Variants in CACNA2D3 observed in about 807,000 individuals in gnomAD.
The protein encoded by CACNA2D3 is calcium voltage-gated channel auxiliary subunit alpha2delta 3.
Under a neutral mutation model 160.6 loss-of-function variants are expected in CACNA2D3, and 60 were observed. The observed-to-expected ratio is 0.37, with a 90% CI of 0.30 to 0.46. The LOEUF (loss-of-function observed/expected upper bound fraction) is 0.46. Among genes scored for constraint, CACNA2D3 ranks in the 20% least tolerant of loss-of-function variants. The probability of loss-of-function intolerance (pLI) is 1.00; values close to 1 mark genes in which losing one functional copy is unlikely to be tolerated. For missense variants in CACNA2D3, 1,205 were observed against 1,365.0 expected (o/e 0.88, Z 1.85); for synonymous variants, 558 against 492.9 (o/e 1.13, Z -1.75).
chr3:54,818,862 G>A (rs908830797), intron 14 of CACNA2D3, among the ~76,000 whole-genome samples: 1 of 152,204 alleles, frequency 6.6e-6, no homozygotes, highest in African/African-American at 2.4e-5. Flanking sequence ...ATGCGACATG[G>A]TTTCAGAACA....
intron 11 of CACNA2D3, among the ~76,000 whole-genome samples, chr3:54,649,728 C>A (rs1009368215): frequency 6.6e-6 from 1 of 152,168 alleles, no homozygotes; most frequent in Non-Finnish European, 1.5e-5. Flanking sequence ...CTCATCTAAT[C>A]CTAATTACTT....
At chr3:54,186,107 A>T (rs568296632) in intron 2 of CACNA2D3, among the ~76,000 whole-genome samples, 1 of 152,232 alleles carries the variant, frequency 6.6e-6, no homozygotes, top group East Asian at 1.9e-4. Context: ...CAGAGACCTT[A>T]TTACTAGTCT....
At chr3:54,865,520 C>T (rs1370616482) in intron 17 of CACNA2D3, among the ~76,000 whole-genome samples, 2 of 152,224 alleles carry the variant, frequency 1.3e-5, no homozygotes, top group African/African-American at 4.8e-5. Flanking sequence ...AACCAGAGGC[C>T]TTGATGTGCA....
At chr3:54,252,270 A>AT (rs969068580) in intron 2 of CACNA2D3, among the ~76,000 whole-genome samples, 35 of 152,050 alleles carry the variant, frequency 2.3e-4, no homozygotes, top group African/African-American at 8.2e-4. Context: ...TTTGTAATGG[A>AT]TTTTATACCA....
intron 3 of CACNA2D3, among the ~76,000 whole-genome samples, chr3:54,348,263 C>T (rs1490050211): frequency 6.6e-6 from 1 of 152,182 alleles, no homozygotes; most frequent in Non-Finnish European, 1.5e-5. Flanking sequence ...GCCCTTGTTG[C>T]TCTCAGCCTG....
chr3:54,900,276 C>T (rs1379067912), intron 27 of CACNA2D3, among the ~76,000 whole-genome samples: 2 of 152,154 alleles, frequency 1.3e-5, no homozygotes, highest in Non-Finnish European at 2.9e-5. Context: ...TGCCCTTCTC[C>T]AGAGAGACTG....
chr3:54,243,352 T>G (rs1311158449), intron 2 of CACNA2D3, among the ~76,000 whole-genome samples: 1 of 152,238 alleles, frequency 6.6e-6, no homozygotes, highest in African/African-American at 2.4e-5. Flanking sequence ...TGTGTAGTCT[T>G]CTGTAAATTC....
At chr3:54,491,865 G>A (rs1701116158) in intron 4 of CACNA2D3, among the ~76,000 whole-genome samples, 1 of 152,190 alleles carries the variant, frequency 6.6e-6, no homozygotes, top group Non-Finnish European at 1.5e-5. Flanking sequence ...AGTTTTGAAG[G>A]ACGTAGGTGG....
chr3:54,563,005 C>A (rs1311231934), intron 6 of CACNA2D3, 74 bp downstream of exon 6: 45 of 1,418,918 alleles, frequency 3.2e-5, no homozygotes, highest in Non-Finnish European at 4.3e-5. Flanking sequence ...CTTTAGGGTT[C>A]AAGGTTAAAA....
intron 2 of CACNA2D3, among the ~76,000 whole-genome samples, chr3:54,128,207 A>G (rs1450114672): frequency 6.6e-6 from 1 of 152,218 alleles, no homozygotes; most frequent in Non-Finnish European, 1.5e-5. Context: ...AGGCAAACAC[A>G]TGAATACCAA....
intron 2 of CACNA2D3, among the ~76,000 whole-genome samples, chr3:54,244,427 T>A (rs1702032339): frequency 1.3e-5 from 2 of 152,226 alleles, no homozygotes; most frequent in Non-Finnish European, 2.9e-5. Context: ...TGTTATTAAA[T>A]CAAAATGTCA....
At chr3:54,946,173 T>C (rs1223707769) in intron 27 of CACNA2D3, among the ~76,000 whole-genome samples, 1 of 152,236 alleles carries the variant, frequency 6.6e-6, no homozygotes, top group East Asian at 1.9e-4. Flanking sequence ...TAGCTTCTCA[T>C]GTTCTTTCCC....
In CACNA2D3 at chr3:54,317,135, G is replaced by A. The variant is rs1373097737; in HGVS notation, c.205-3307G>A. Among the ~76,000 whole-genome samples, 8 of 152,170 alleles carry A rather than the reference G, an allele frequency of 5.3e-5. No homozygotes were observed. In the South Asian group the frequency reaches 1.7e-3, roughly 32 times the overall value. On this transcript the variant is annotated intron_variant, in intron 2 of 37. Transcript: ENST00000474759. Reference sequence around the variant, plus strand: ...GAGCACATCTGGCAGGCAGCAAAGAGCTCCTGGGAATTTTAGCTCCAAAGA... The same window carrying A: ...GAGCACATCTGGCAGGCAGCAAAGAACTCCTGGGAATTTTAGCTCCAAAGA...
At chr3:54,713,339 G>A (rs1306242251) in intron 11 of CACNA2D3, among the ~76,000 whole-genome samples, 3 of 152,190 alleles carry the variant, frequency 2.0e-5, no homozygotes, top group Admixed American at 6.5e-5. Flanking sequence ...CACAGAAAAC[G>A]TGTGGTTTGG....
chr3:54,924,545 A>C (rs1183432054), intron 27 of CACNA2D3: 4 of 1,230,228 alleles, frequency 3.3e-6, no homozygotes, highest in Non-Finnish European at 4.6e-6. Context: ...CATTCTTTCT[A>C]ATGCAGAGAA....
chr3:54,388,989 TAAAC>T (rs1277745616), intron 4 of CACNA2D3, among the ~76,000 whole-genome samples: 2 of 150,412 alleles, frequency 1.3e-5, no homozygotes, highest in African/African-American at 4.9e-5. Context: ...TGATAATAAA[TAAAC>T]AGATAGATAG....
intron 2 of CACNA2D3, among the ~76,000 whole-genome samples, chr3:54,284,278 A>G (rs968484765): frequency 7.9e-5 from 12 of 151,664 alleles, no homozygotes; most frequent in Middle Eastern, 3.2e-3. Context: ...AATAATAAAA[A>G]ATAAAATTAA....
intron 11 of CACNA2D3, among the ~76,000 whole-genome samples, chr3:54,726,226 G>A (rs1701273967): frequency 6.6e-6 from 1 of 152,052 alleles, no homozygotes; most frequent in African/African-American, 2.4e-5. Context: ...ACCTCTTCAA[G>A]CAGAACTAAA....
chr3:54,516,730 T>A (rs745379076), intron 5 of CACNA2D3, among the ~76,000 whole-genome samples: 23 of 152,214 alleles, frequency 1.5e-4, no homozygotes, highest in Non-Finnish European at 3.1e-4. Flanking sequence ...GTGTCTACTT[T>A]ATTCAAGTCC....
Sources: gnomAD v4.1 joint callset for allele counts (sites outside exome capture counted in the v4.1 genomes callset) on GRCh38, gnomAD v4.1.1 for gene constraint, MANE v1.5 for transcripts, NCBI Gene and HGNC (gene_info 2026-07-23, HGNC 2026-07-21) for gene names.